Variants in CORO2B observed in about 807,000 individuals in gnomAD.
CORO2B encodes the protein coronin-2B.
Under a neutral mutation model 58.8 loss-of-function variants are expected in CORO2B, and 26 were observed. The observed-to-expected ratio is 0.44, with a 90% confidence interval of 0.32 to 0.61. CORO2B has a LOEUF of 0.61. CORO2B is among the 20% of genes least tolerant of loss of function. The pLI is 0.04. For missense variants in CORO2B, 460 were observed against 645.1 expected, an observed-to-expected ratio of 0.71 and a Z score of 3.11; for synonymous variants, 242 against 253.8, an observed-to-expected ratio of 0.95 and a Z score of 0.44.
At chr15:68,590,585 C>T (rs867752972) in intron 1 of CORO2B, among the ~76,000 whole-genome samples, 3 of 152,240 alleles carry the variant, frequency 2.0e-5, no homozygotes, top group Middle Eastern at 3.4e-3. Context: ...GCTGCGGGGC[C>T]GCTGGTTTAG....
At chr15:68,678,896 G>A (rs1902676791) in intron 2 of CORO2B, among the ~76,000 whole-genome samples, 1 of 152,234 alleles carries the variant, frequency 6.6e-6, no homozygotes, top group African/African-American at 2.4e-5. Context: ...TGGACAGATA[G>A]TGGATCTGGC....
chr15:68,722,199 C>A (rs1893178338), intron 11 of CORO2B, among the ~76,000 whole-genome samples: 1 of 152,138 alleles, frequency 6.6e-6, no homozygotes, highest in South Asian at 2.1e-4. Context: ...TTAAATCAAG[C>A]AATATTTCGC....
chr15:68,544,707 T>C, the CORO2B span, among the ~76,000 whole-genome samples: 3 of 152,134 alleles, frequency 2.0e-5, no homozygotes, highest in African/African-American at 7.2e-5. Context: ...GCCCATGTCA[T>C]TGGGCCAATA....
chr15:68,577,997 TCCACCTCTGCTA>T (rs1899322177), upstream of CORO2B, among the ~76,000 whole-genome samples: 2 of 152,118 alleles, frequency 1.3e-5, no homozygotes, highest in African/African-American at 4.8e-5. Context: ...CCCCTCTGCT[TCCACCTCTGCTA>T]ACTCCTCCCC....
chr15:68,579,432 A>G (rs1899364682), intron 1 of CORO2B, among the ~76,000 whole-genome samples, 155 bp downstream of exon 1: 1 of 150,730 alleles, frequency 6.6e-6, no homozygotes, highest in Non-Finnish European at 1.5e-5. Context: ...CGCTCGAGTC[A>G]CTCCGGCCCC....
intron 6 of CORO2B, among the ~76,000 whole-genome samples, 163 bp from the exon 7 acceptor site, chr15:68,714,396 T>C (rs1399207309): frequency 1.3e-5 from 2 of 152,162 alleles, no homozygotes; most frequent in African/African-American, 2.4e-5. Flanking sequence ...CTGCTTTTCG[T>C]GACAAGAAAG....
the CORO2B span, among the ~76,000 whole-genome samples, chr15:68,570,798 A>ATTT: frequency 2.0e-5 from 1 of 51,048 alleles, no homozygotes; most frequent in Non-Finnish European, 3.8e-5. Context: ...CACTACACGT[A>ATTT]GTTTTTTTTT....
At chr15:68,585,829 G>C (rs1436196627) in intron 1 of CORO2B, among the ~76,000 whole-genome samples, 1 of 152,202 alleles carries the variant, frequency 6.6e-6, no homozygotes, top group East Asian at 1.9e-4. Context: ...TGCTGGGGGA[G>C]GAGGGTGTCC....
chr15:68,711,505 G>T, intron 4 of CORO2B, 37 bp from the exon 5 acceptor site: 1 of 1,588,998 alleles, frequency 6.3e-7, no homozygotes, highest in Non-Finnish European at 8.6e-7. Flanking sequence ...GACCCTAGCA[G>T]CCACTGACCC....
chr15:68,587,856 G>A (rs1899606000), intron 1 of CORO2B, among the ~76,000 whole-genome samples: 6 of 152,212 alleles, frequency 3.9e-5, no homozygotes, highest in Admixed American at 3.9e-4. Context: ...CTGCCTCGCA[G>A]GCCTTCTGTC....
the CORO2B span, among the ~76,000 whole-genome samples, chr15:68,521,820 C>A: frequency 6.6e-6 from 1 of 151,276 alleles, no homozygotes; most frequent in East Asian, 1.9e-4. Context: ...TGGCTCACTG[C>A]AGCCTCGACC....
At chr15:68,557,177 C>T in the CORO2B span, among the ~76,000 whole-genome samples, 1 of 152,216 alleles carries the variant, frequency 6.6e-6, no homozygotes, top group Admixed American at 6.5e-5. Context: ...GCCCTGCCTG[C>T]ACTTTCCCCC....
At chr15:68,621,328 T>C (rs1280927818) in intron 1 of CORO2B, among the ~76,000 whole-genome samples, 1 of 152,192 alleles carries the variant, frequency 6.6e-6, no homozygotes, top group Non-Finnish European at 1.5e-5. Flanking sequence ...AACAACGCAG[T>C]GCGTGCCAGC....
In CORO2B at chr15:68,597,639, AAT is replaced by A. The variant is rs1555410478; in HGVS notation, c.15+18364_15+18365del. Among the ~76,000 whole-genome samples the A allele has an allele frequency of 2.2e-3, 326 of 151,242 alleles. 2 individuals carry two copies. Among genetic ancestry groups the A allele is most frequent in the African/African-American group, 7.8e-3 (317 of 40,736 alleles). The stretch of plus-strand genomic sequence containing the variant: ...GTTTCCCCCCCATCAAAAAAAAAAA[AAT>A]AAATAAATAAAAAATAAAAAAGACC... On this transcript the variant is annotated intron_variant, in intron 1 of 11. Coordinates refer to ENST00000261861, the MANE Select transcript of CORO2B (RefSeq NM_006091.5).
chr15:68,645,367 G>A lies in CORO2B; in HGVS notation c.216+7G>A, dbSNP rs746142868. ...CGTCATCCCCCTGGAGCAGGTAGGT[G>A]GCCCCTACCTTCACTCCAGCTGCAG... On this transcript the variant is annotated splice_region_variant and intron_variant, in intron 2 of 11. Transcript: ENST00000261861. This position sits in a 1 kb window ranked among gnomAD's most constrained non-coding sequence, Gnocchi z 4.5. 6.2e-7 allele frequency: 1 copy of A among 1,608,934 alleles called. No individual in the cohort carries two copies. The highest frequency in any genetic ancestry group is 1.1e-5 in the South Asian group (1 of 91,044).
chr15:68,586,836 T>C (rs946114175), intron 1 of CORO2B, among the ~76,000 whole-genome samples: 4 of 152,072 alleles, frequency 2.6e-5, no homozygotes, highest in African/African-American at 9.7e-5. Context: ...TCACGGAGCC[T>C]CCTTGGGCTG....
At chr15:68,576,829 G>A (rs1449855532), upstream of CORO2B, among the ~76,000 whole-genome samples, 1 of 152,112 alleles carries the variant, frequency 6.6e-6, no homozygotes, top group African/African-American at 2.4e-5. Context: ...GTTCTTGGTG[G>A]CATTAAATAT....
intron 2 of CORO2B, among the ~76,000 whole-genome samples, chr15:68,667,286 G>A (rs548787042): frequency 2.6e-5 from 4 of 152,032 alleles, no homozygotes; most frequent in South Asian, 2.1e-4. Context: ...TCAGGGCACC[G>A]CCTCCAGGAA....
At chr15:68,587,255 G>C (rs887263365) in intron 1 of CORO2B, among the ~76,000 whole-genome samples, 1 of 152,130 alleles carries the variant, frequency 6.6e-6, no homozygotes, top group Non-Finnish European at 1.5e-5. Context: ...TGCTCTGTCC[G>C]AGCTCAGAGA....
Sources: allele counts gnomAD v4.1 joint callset (sites outside exome capture counted in the v4.1 genomes callset), GRCh38; gene constraint gnomAD v4.1.1; non-coding constraint Gnocchi (gnomAD v3.1); transcripts MANE v1.5; gene names NCBI Gene and HGNC (gene_info 2026-07-23, HGNC 2026-07-21).